TMCC1: variants seen among roughly 807,000 people sequenced by gnomAD.
TMCC1 encodes the protein transmembrane and coiled-coil domain family 1.
TMCC1 carries 15 observed loss-of-function variants against 52.4 expected under a neutral mutation model. That is an observed-to-expected ratio of 0.29 (90% CI 0.19 to 0.44). The LOEUF (loss-of-function observed/expected upper bound fraction) is 0.44. TMCC1 is among the 20% of genes least tolerant of loss of function. The pLI, the probability that TMCC1 is intolerant of heterozygous loss-of-function variation, is 1.00. For synonymous variants in TMCC1, 279 were observed against 301.9 expected, an observed-to-expected ratio of 0.92 and a Z score of 0.79; for missense variants, 503 against 806.0, an observed-to-expected ratio of 0.62 and a Z score of 4.55.
At chr3:129,660,707 C>G (rs1278193737) in intron 5 of TMCC1, among the ~76,000 whole-genome samples, 1 of 152,176 alleles carries the variant, frequency 6.6e-6, no homozygotes, top group Non-Finnish European at 1.5e-5. Flanking sequence ...TCCAAACTTT[C>G]CTTTGTACTG....
At chr3:129,852,955 ATAT>A (rs2059982589) in intron 2 of TMCC1, among the ~76,000 whole-genome samples, 1 of 152,252 alleles carries the variant, frequency 6.6e-6, no homozygotes, top group Non-Finnish European at 1.5e-5. Context: ...TAGGAGGAGT[ATAT>A]TATTAACCAC....
Position 129,729,975 on chromosome 3 carries a change from A to G in TMCC1, c.577-58711T>C, listed in dbSNP as rs887907854. Among the ~76,000 whole-genome samples the G allele has an allele frequency of 2.4e-4, 36 of 152,132 alleles. 2 individuals carry two copies. Among genetic ancestry groups the G allele is most frequent in the Admixed American group, 6.5e-5 (1 of 15,282 alleles). ...GTGAGACCTTGTCTCTGCTTTTAAA[A>G]AAATTTTTAAATAAATAAAATAAAA... On this transcript the variant is annotated intron_variant, in intron 4 of 6. Transcript: ENST00000393238.
At chr3:129,848,594 C>T (rs1214312123) in intron 2 of TMCC1, among the ~76,000 whole-genome samples, 1 of 152,174 alleles carries the variant, frequency 6.6e-6, no homozygotes, top group Non-Finnish European at 1.5e-5. Context: ...CCCAATCCTG[C>T]CAATCTAACT....
At chr3:129,805,329 T>C (rs536891756) in intron 4 of TMCC1, among the ~76,000 whole-genome samples, 1 of 152,036 alleles carries the variant, frequency 6.6e-6, no homozygotes, top group Non-Finnish European at 1.5e-5. Flanking sequence ...CGCCTGGCTA[T>C]TGTTTTGTAT....
At chr3:129,656,507 GAATAT>G (rs529381265) in intron 5 of TMCC1, 147 of 152,216 alleles carry the variant, frequency 9.7e-4, no homozygotes, top group African/African-American at 3.3e-3. Flanking sequence ...AACTTTTAAA[GAATAT>G]AATGAATTTC....
At chr3:129,886,662 G>A (rs916684628) in intron 1 of TMCC1, among the ~76,000 whole-genome samples, 6 of 152,080 alleles carry the variant, frequency 3.9e-5, no homozygotes, top group African/African-American at 7.2e-5. Flanking sequence ...AGGGCAAGCC[G>A]GGTGCAATGG....
At chr3:129,866,139 T>C (rs1577142081) in intron 2 of TMCC1, among the ~76,000 whole-genome samples, 1 of 151,746 alleles carries the variant, frequency 6.6e-6, no homozygotes, top group African/African-American at 2.4e-5. Context: ...CCTACTGATT[T>C]CTAAACTTAC....
At chr3:129,668,960 A>C (rs2108882696) in intron 5 of TMCC1, among the ~76,000 whole-genome samples, 1 of 152,310 alleles carries the variant, frequency 6.6e-6, no homozygotes, top group African/African-American at 2.4e-5. Flanking sequence ...AAATAAAAAT[A>C]GTAATGTACA....
intron 4 of TMCC1, among the ~76,000 whole-genome samples, chr3:129,672,254 G>T (rs1440671994): frequency 6.6e-6 from 1 of 152,172 alleles, no homozygotes; most frequent in Non-Finnish European, 1.5e-5. Context: ...TCATCCCTGG[G>T]TGTGGCTTGT....
intron 2 of TMCC1, among the ~76,000 whole-genome samples, chr3:129,833,468 A>C (rs774421046): frequency 1.3e-5 from 2 of 152,068 alleles, no homozygotes; most frequent in Non-Finnish European, 2.9e-5. Context: ...TACTTGGGAG[A>C]TTGAGGCAAG....
intron 4 of TMCC1, among the ~76,000 whole-genome samples, chr3:129,703,402 C>T (rs977829002): frequency 3.9e-5 from 6 of 152,194 alleles, no homozygotes; most frequent in Non-Finnish European, 8.8e-5. Flanking sequence ...CTACAGTATT[C>T]TGCTGTTTGA....
intron 4 of TMCC1, among the ~76,000 whole-genome samples, chr3:129,712,312 C>T (rs2048762007): frequency 1.3e-5 from 2 of 152,158 alleles, no homozygotes; most frequent in Admixed American, 1.3e-4. Context: ...TGCAAAATCC[C>T]TCATTTACTG....
At chr3:129,809,078 T>A in intron 4 of TMCC1, among the ~76,000 whole-genome samples, 1 of 151,400 alleles carries the variant, frequency 6.6e-6, no homozygotes, top group East Asian at 1.9e-4. Flanking sequence ...AAACCGCATC[T>A]CTACTAAAAA....
chr3:129,715,592 G>A (rs952015230), intron 4 of TMCC1, among the ~76,000 whole-genome samples: 27 of 152,206 alleles, frequency 1.8e-4, no homozygotes, highest in African/African-American at 6.5e-4. Context: ...GAAGTGAAAC[G>A]TACATAAATT....
chr3:129,878,108 A>G (rs2061307402), intron 2 of TMCC1, among the ~76,000 whole-genome samples: 1 of 151,292 alleles, frequency 6.6e-6, no homozygotes, highest in South Asian at 2.1e-4. Flanking sequence ...ACGGGCGCCT[A>G]CCACCATGCC....
intron 4 of TMCC1, among the ~76,000 whole-genome samples, chr3:129,794,800 A>T (rs1287764210): frequency 6.6e-6 from 1 of 152,164 alleles, no homozygotes; most frequent in Non-Finnish European, 1.5e-5. Flanking sequence ...AGTAGGAGAC[A>T]GGCAACTGCA....
intron 4 of TMCC1, among the ~76,000 whole-genome samples, chr3:129,785,578 C>A (rs1560415060): frequency 6.9e-6 from 1 of 145,928 alleles, no homozygotes. Context: ...CACACACACA[C>A]ACACACAAAC....
intron 4 of TMCC1, among the ~76,000 whole-genome samples, chr3:129,741,967 A>G (rs1560310115): frequency 6.6e-6 from 1 of 152,174 alleles, no homozygotes; most frequent in Non-Finnish European, 1.5e-5. Context: ...CATTTCTGCT[A>G]TTTAAATTCC....
chr3:129,800,121 G>A (rs1233727244), intron 4 of TMCC1, among the ~76,000 whole-genome samples: 1 of 152,096 alleles, frequency 6.6e-6, no homozygotes, highest in East Asian at 1.9e-4. Context: ...TCTTGTGTGT[G>A]GTTTCTTTTG....
Sources: gnomAD v4.1 joint callset for allele counts (sites outside exome capture counted in the v4.1 genomes callset) on GRCh38, gnomAD v4.1.1 for gene constraint, MANE v1.5 for transcripts, NCBI Gene and HGNC (gene_info 2026-07-23, HGNC 2026-07-21) for gene names.